The following SORCS2 variants were observed in gnomAD, a reference collection of about 807,000 sequenced individuals.
SORCS2 encodes the protein VPS10 domain-containing receptor SorCS2.
SORCS2 carries 100 observed loss-of-function variants against 141.6 expected under a neutral mutation model. The observed-to-expected ratio is 0.71, with a 90% CI of 0.60 to 0.83. The LOEUF (loss-of-function observed/expected upper bound fraction) is 0.83. SORCS2 is among the 40% of genes least tolerant of loss of function. The pLI is 0.00. For synonymous variants in SORCS2, 789 were observed against 676.9 expected (o/e 1.17, Z -2.57); for missense variants, 1,646 against 1,560.2 (o/e 1.05, Z -0.93).
intron 3 of SORCS2, among the ~76,000 whole-genome samples, chr4:7,547,837 C>T (rs1296914938): frequency 6.6e-6 from 1 of 152,244 alleles, no homozygotes; most frequent in East Asian, 1.9e-4. Context: ...TGTCCACCGG[C>T]ACCTGGCACC....
At chr4:7,696,102 T>G (rs567100954) in intron 11 of SORCS2, among the ~76,000 whole-genome samples, 1 of 152,194 alleles carries the variant, frequency 6.6e-6, no homozygotes, top group South Asian at 2.1e-4. Flanking sequence ...ATTCATCTAT[T>G]TGAGGACAAT....
chr4:7,698,711 G>A (rs1374466024), intron 12 of SORCS2, among the ~76,000 whole-genome samples: 1 of 152,262 alleles, frequency 6.6e-6, no homozygotes, highest in Non-Finnish European at 1.5e-5. Context: ...CTGAGCCGAG[G>A]CCTGGCCAGG....
chr4:7,215,306 A>T (rs1266922971), intron 1 of SORCS2, among the ~76,000 whole-genome samples: 2 of 152,162 alleles, frequency 1.3e-5, no homozygotes, highest in East Asian at 3.9e-4. Context: ...TGGGTCCCCC[A>T]GCAGTGCCAG....
chr4:7,298,273 A>T (rs1417992611), intron 1 of SORCS2, among the ~76,000 whole-genome samples: 1 of 152,166 alleles, frequency 6.6e-6, no homozygotes, highest in Non-Finnish European at 1.5e-5. Context: ...CTCTGCACAT[A>T]TGAGGGCAAG....
At chr4:7,219,694 T>G (rs1022194749) in intron 1 of SORCS2, among the ~76,000 whole-genome samples, 4 of 152,160 alleles carry the variant, frequency 2.6e-5, no homozygotes, top group Non-Finnish European at 5.9e-5. Flanking sequence ...CACCCCATGA[T>G]CCAACCACTT....
chr4:7,439,928 A>C (rs983067633), intron 2 of SORCS2, among the ~76,000 whole-genome samples: 17 of 152,154 alleles, frequency 1.1e-4, no homozygotes, highest in African/African-American at 3.6e-4. Context: ...TGTGCTGAGC[A>C]GATTCCCCAG....
In SORCS2 at chr4:7,478,947, G is replaced by A. The variant is rs559610875; in HGVS notation, c.549-52583G>A. Among the ~76,000 whole-genome samples, 7 of 152,288 alleles carry A rather than the reference G, an allele frequency of 4.6e-5. No individual in the cohort carries two copies. The South Asian group carries it at 1.2e-3, about 27-fold the overall frequency. ...GGCCTGGTTTCTCCTCTCCTGACGG[G>A]CTCTCCTGATAGCTTTGTGTCACCT... is the stretch of plus-strand genomic sequence containing the variant. On this transcript the variant is annotated intron_variant, in intron 2 of 26. Transcript: ENST00000507866.
chr4:7,447,797 G>A (rs977645255), intron 2 of SORCS2, among the ~76,000 whole-genome samples: 4 of 152,168 alleles, frequency 2.6e-5, no homozygotes, highest in Admixed American at 6.5e-5. Flanking sequence ...AGGATGGAAC[G>A]GAGCCTGTGC....
chr4:7,330,470 C>T lies in SORCS2; in HGVS notation c.481-65818C>T, dbSNP rs114113770. 7.6e-3 allele frequency among the ~76,000 whole-genome samples: 1,160 copies of T among 151,828 alleles called. 17 individuals carry two copies. Among genetic ancestry groups the T allele is most frequent in the African/African-American group, 0.025 (1,041 of 41,426 alleles). On this transcript the variant is annotated intron_variant, in intron 1 of 26. Coordinates refer to ENST00000507866, the MANE Select transcript of SORCS2 (RefSeq NM_020777.3). ...CCTACCATCCACCCCCACGCACACC[C>T]CTGACGTCCAAGTCCAATGCTGCCT...
intron 8 of SORCS2, among the ~76,000 whole-genome samples, chr4:7,674,305 C>T (rs745408557): frequency 3.3e-5 from 5 of 152,016 alleles, no homozygotes; most frequent in African/African-American, 4.8e-5. Context: ...CTCGGCCGGG[C>T]GCGGTGGCTC....
chr4:7,726,723 C>T (rs1727242352), intron 20 of SORCS2, 57 bp from the exon 21 acceptor site: 15 of 1,587,914 alleles, frequency 9.4e-6, no homozygotes, highest in East Asian at 2.3e-5. Context: ...AGGCCAGCGT[C>T]CCCCACGGCC....
Position 7,734,385 on chromosome 4 carries a change from T to TG in SORCS2, c.3311+13dup. On this transcript the variant is annotated intron_variant, in intron 25 of 26. Transcript: ENST00000507866. Reference sequence around the variant, plus strand: ...CTACAAGTTCAAAAGGCAAGGCCCTTGGCTGCCCTCCTCTGCGGGGCTCTG... The same window carrying TG: ...CTACAAGTTCAAAAGGCAAGGCCCTTGGGCTGCCCTCCTCTGCGGGGCTCTG... 1 of 1,511,898 alleles carries TG rather than the reference T, an allele frequency of 6.6e-7. No individual in the cohort carries two copies. Among genetic ancestry groups the TG allele is most frequent in the South Asian group, 1.3e-5 (1 of 76,236 alleles). 93.7% of individuals were successfully genotyped at this position (1,511,898 alleles called of 1,614,324 possible). A position where few individuals can be genotyped will look rare whatever the true frequency, so the allele number is the denominator to read the frequency against.
At chr4:7,494,019 T>TCA (rs71647604) in intron 2 of SORCS2, among the ~76,000 whole-genome samples, 2 of 136,264 alleles carry the variant, frequency 1.5e-5, no homozygotes, top group East Asian at 1.9e-4. Flanking sequence ...ACACACACAT[T>TCA]CACACACACA....
At chr4:7,434,311 T>A (rs767917465) in intron 2 of SORCS2, 1 of 1,611,802 alleles carries the variant, frequency 6.2e-7, no homozygotes, top group Admixed American at 1.7e-5. Flanking sequence ...TCGGGAGACC[T>A]GCCGTACACA....
intron 1 of SORCS2, among the ~76,000 whole-genome samples, chr4:7,282,798 C>T (rs1441245361): frequency 2.0e-5 from 3 of 152,178 alleles, no homozygotes; most frequent in African/African-American, 7.2e-5. Flanking sequence ...GGGATTCACA[C>T]TCTAGGGGGT....
chr4:7,406,132 G>T (rs552267853), intron 2 of SORCS2, among the ~76,000 whole-genome samples: 18 of 151,940 alleles, frequency 1.2e-4, no homozygotes, highest in African/African-American at 4.3e-4. Context: ...GTGTGTTGTT[G>T]GGTTCAGTTT....
At chr4:7,483,221 G>C (rs1197673426) in intron 2 of SORCS2, among the ~76,000 whole-genome samples, 1 of 151,696 alleles carries the variant, frequency 6.6e-6, no homozygotes, top group African/African-American at 2.4e-5. Flanking sequence ...TACTCGGGAG[G>C]CTGAGGCAGG....
rs146678880 is a variant in SORCS2 at position 7,280,334 on chromosome 4, C to T, written c.480+87208C>T. Among the ~76,000 whole-genome samples the T allele has an allele frequency of 8.0e-3, 1,218 of 152,270 alleles. 10 individuals are homozygous for T. Among genetic ancestry groups the T allele is most frequent in the African/African-American group, 0.027 (1,130 of 41,532 alleles). ...CCATTTAAAAAAATGACTGCACTCTCGAGAGGCGAGGATGGGAGGACTGGA... is the reference window on the plus strand; with the variant it reads ...CCATTTAAAAAAATGACTGCACTCTTGAGAGGCGAGGATGGGAGGACTGGA... On this transcript the variant is annotated intron_variant, in intron 1 of 26. Coordinates refer to ENST00000507866, the MANE Select transcript of SORCS2 (RefSeq NM_020777.3).
rs1215065056 is a variant in SORCS2, at chr4:7,724,892, G to GTGA, written c.2612-259_2612-257dup. On this transcript the variant is annotated intron_variant, in intron 19 of 26. Coordinates refer to ENST00000507866, the MANE Select transcript of SORCS2 (RefSeq NM_020777.3). ...GGTAGTGGTGATGGTGGTGGTGTTG[G>GTGA]TGATGGTGGTGATAGTATTGGTGGG... is the stretch of plus-strand genomic sequence containing the variant. Among the ~76,000 whole-genome samples, 188 of 55,312 alleles carry GTGA rather than the reference G, an allele frequency of 3.4e-3. 4 individuals carry two copies. Among genetic ancestry groups the GTGA allele is most frequent in the Admixed American group, 0.01 (39 of 3,866 alleles). The allele number at this position is 55,312 out of a possible 152,430, so 36.3% of individuals were successfully genotyped here.
Sources: gnomAD v4.1 joint callset for allele counts (sites outside exome capture counted in the v4.1 genomes callset) on GRCh38, gnomAD v4.1.1 for gene constraint, MANE v1.5 for transcripts, NCBI Gene and HGNC (gene_info 2026-07-23, HGNC 2026-07-21) for gene names.